Variants in SLC35F2 observed in about 807,000 individuals in gnomAD.
SLC35F2 encodes the protein solute carrier family 35 member F2.
Under a neutral mutation model 38.1 loss-of-function variants are expected in SLC35F2, and 25 were observed. The ratio of observed to expected loss-of-function variants is 0.66; its 90% CI spans 0.48 to 0.92. The LOEUF is 0.92. SLC35F2 is among the 40% of genes least tolerant of loss of function. The pLI is 0.00. For missense variants in SLC35F2, 409 were observed against 452.9 expected (o/e 0.90, Z 0.88); for synonymous variants, 173 against 181.7 (o/e 0.95, Z 0.38).
At chr11:107,821,389 T>C in intron 1 of SLC35F2, 1 of 983,908 alleles carries the variant, frequency 1.0e-6, no homozygotes, top group Non-Finnish European at 1.2e-6. Flanking sequence ...GGAATGCACT[T>C]CTCTTGGCTC....
chr11:107,815,945 G>A lies in SLC35F2; in HGVS notation c.131C>T (p.Ala44Val), dbSNP rs1472752861. Reference sequence around the variant, plus strand: ...ACACAAGGACAACATCTGACCCAGGGCAATTGTTTTCAAAATATTCCTAGA... The same window carrying A: ...ACACAAGGACAACATCTGACCCAGGACAATTGTTTTCAAAATATTCCTAGA... ...LFTWNILKTI[A>V]LGQMLSLCIC... The change falls in exon 2 of 8, where the codon GCC (alanine) becomes GTC (valine). Residue 44 changes from alanine to valine, a missense_variant. By Grantham distance (64) the Ala-to-Val change is moderately conservative. Transcript: ENST00000525815. The A allele has an allele frequency of 6.2e-7, 1 of 1,608,658 alleles. No individual in the cohort carries two copies. Among genetic ancestry groups the A allele is most frequent in the Non-Finnish European group, 8.5e-7 (1 of 1,178,748 alleles).
chr11:107,807,015 G>A (rs1000327366), intron 3 of SLC35F2, 139 bp from the exon 4 acceptor site: 2 of 697,648 alleles, frequency 2.9e-6, no homozygotes, highest in Non-Finnish European at 4.7e-6. Flanking sequence ...CCTGTACTAA[G>A]AGCTTTACCT....
At position 107,858,777 on chromosome 11, in the gene SLC35F2, T is replaced by TG; in HGVS notation, c.-11dup. The TG allele has an allele frequency of 8.0e-7, 1 of 1,256,004 alleles. No individual in the cohort carries two copies. Among genetic ancestry groups the TG allele is most frequent in the Admixed American group, 4.1e-5 (1 of 24,302 alleles). 77.8% of individuals were successfully genotyped at this position (1,256,004 alleles called of 1,614,324 possible). A position where few individuals can be genotyped will look rare whatever the true frequency, so the allele number is the denominator to read the frequency against. ...GCGAGTCTGCCTCCATCGGCGCCCTTGCGCGTCTCCGGCGCCCAAAACCCC... is the reference window on the plus strand; with the variant it reads ...GCGAGTCTGCCTCCATCGGCGCCCTTGGCGCGTCTCCGGCGCCCAAAACCCC... On this transcript the variant is annotated 5_prime_UTR_variant, in exon 1 of 8. Transcript: ENST00000525815.
chr11:107,830,500 C>T lies in SLC35F2; in HGVS notation c.111-14535G>A, dbSNP rs551012011. ...TCAGGAGGCTGAGGCAGGAGAATGG[C>T]GTGAACCTGGGAGGCGGAGCTTGCA... On this transcript the variant is annotated intron_variant, in intron 1 of 7. Transcript: ENST00000525815. Among the ~76,000 whole-genome samples, 26 of 147,116 alleles carry T rather than the reference C, an allele frequency of 1.8e-4. No homozygotes were observed. In the East Asian group the frequency reaches 4.4e-3, roughly 25 times the overall value.
intron 1 of SLC35F2, among the ~76,000 whole-genome samples, chr11:107,850,840 C>T (rs1860170090): frequency 6.6e-6 from 1 of 151,428 alleles, no homozygotes; most frequent in Non-Finnish European, 1.5e-5. Flanking sequence ...AATTAGTCAA[C>T]TCAAAATGTC....
chr11:107,829,965 C>A (rs1859810513), intron 1 of SLC35F2, among the ~76,000 whole-genome samples: 1 of 152,052 alleles, frequency 6.6e-6, no homozygotes, highest in African/African-American at 2.4e-5. Context: ...CATCACTACT[C>A]CAAAATCATG....
intron 7 of SLC35F2, among the ~76,000 whole-genome samples, chr11:107,799,470 C>T (rs1416598013): frequency 2.0e-5 from 3 of 152,298 alleles, no homozygotes; most frequent in Non-Finnish European, 2.9e-5. Context: ...AATGCAGCCA[C>T]GGCATCACAG....
At chr11:107,857,936 A>G (rs924860) in intron 1 of SLC35F2, among the ~76,000 whole-genome samples, 66,610 of 152,022 alleles carry the variant, frequency 0.44, 14,690 homozygotes, top group Admixed American at 0.54. Context: ...CGAGTGCCCA[A>G]TAAATGTCTT....
At chr11:107,806,579 A>G (rs747685442) in intron 4 of SLC35F2, 138 bp downstream of exon 4, 19 of 756,958 alleles carry the variant, frequency 2.5e-5, no homozygotes, top group Non-Finnish European at 4.4e-5. Flanking sequence ...AATTCAACAC[A>G]AAGTGTGGCA....
chr11:107,846,445 T>A (rs547571723), intron 1 of SLC35F2, among the ~76,000 whole-genome samples: 27 of 152,264 alleles, frequency 1.8e-4, no homozygotes, highest in African/African-American at 6.3e-4. Context: ...AAGTAATTTT[T>A]TTTTTCTTGG....
intron 1 of SLC35F2, among the ~76,000 whole-genome samples, chr11:107,835,864 G>A (rs1280656551): frequency 6.6e-6 from 1 of 152,178 alleles, no homozygotes; most frequent in East Asian, 1.9e-4. Context: ...TCCAAATGTG[G>A]TGAGGGTGAA....
chr11:107,820,130 C>T (rs1859644472), intron 1 of SLC35F2, among the ~76,000 whole-genome samples: 1 of 151,090 alleles, frequency 6.6e-6, no homozygotes, highest in Non-Finnish European at 1.5e-5. Flanking sequence ...GTGGTACACG[C>T]CTGTAATCCC....
chr11:107,850,993 G>A lies in SLC35F2; in HGVS notation c.110+7665C>T, dbSNP rs367696955. ...TGAAACCCTGTCTTTAGCTGGGCGCGGTGGCTCACGCCTGTAATCCCAGCA... is the reference window on the plus strand; with the variant it reads ...TGAAACCCTGTCTTTAGCTGGGCGCAGTGGCTCACGCCTGTAATCCCAGCA... On this transcript the variant is annotated intron_variant, in intron 1 of 7. Transcript: ENST00000525815. 2.2e-4 allele frequency among the ~76,000 whole-genome samples: 34 copies of A among 151,858 alleles called. 1 individual carries two copies. The East Asian group carries it at 2.5e-3, about 11-fold the overall frequency.
rs779976650 is a variant in SLC35F2 at position 107,792,838 on chromosome 11, C to A, written c.940-38G>T. 2.7e-6 allele frequency: 4 copies of A among 1,494,604 alleles called. No individual in the cohort carries two copies. In the East Asian group the frequency reaches 7.6e-5, roughly 28 times the overall value. 92.6% of individuals were successfully genotyped at this position (1,494,604 alleles called of 1,614,324 possible). A position where few individuals can be genotyped will look rare whatever the true frequency, so the allele number is the denominator to read the frequency against. Reference sequence around the variant, plus strand: ...AACAGGCAGTGAATTGTGCCCCTCACATACACATCTTTGCTGCTGGCTTTT... The same window carrying A: ...AACAGGCAGTGAATTGTGCCCCTCAAATACACATCTTTGCTGCTGGCTTTT... On this transcript the variant is annotated intron_variant, in intron 7 of 7. Transcript: ENST00000525815.
rs949962401 is a variant in SLC35F2 at position 107,791,482 on chromosome 11, A to T, written c.*1133T>A. The T allele has an allele frequency of 6.6e-6, 1 of 152,156 alleles. No homozygotes were observed. The highest frequency in any genetic ancestry group is 2.4e-5 in the African/African-American group (1 of 41,440). The allele number at this position is 152,156 out of a possible 1,614,324, so 9.4% of individuals were successfully genotyped here. ...AAACTGTTGGAGAGTATGACCTGGG[A>T]CTGAAACTGTGGAGCACATAGCCAG... is the stretch of plus-strand genomic sequence containing the variant. On this transcript the variant is annotated 3_prime_UTR_variant, in exon 8 of 8. Coordinates refer to ENST00000525815, the MANE Select transcript of SLC35F2 (RefSeq NM_017515.5).
At chr11:107,838,347 G>A (rs1046020336) in intron 1 of SLC35F2, among the ~76,000 whole-genome samples, 11 of 152,112 alleles carry the variant, frequency 7.2e-5, no homozygotes, top group Non-Finnish European at 1.0e-4. Flanking sequence ...CTTTTGAGAT[G>A]GAGTTTTGCT....
intron 1 of SLC35F2, among the ~76,000 whole-genome samples, chr11:107,830,583 CAAAAAAA>C (rs66495434): frequency 1.0e-5 from 1 of 95,736 alleles, no homozygotes; most frequent in African/African-American, 3.8e-5. Flanking sequence ...GACTCAGTCT[CAAAAAAA>C]AAAAAAAAAG....
intron 4 of SLC35F2, 126 bp from the exon 5 acceptor site, chr11:107,805,641 G>A: frequency 3.4e-6 from 5 of 1,454,158 alleles, no homozygotes; most frequent in Non-Finnish European, 3.6e-6. Context: ...CTGGTTACTA[G>A]AAGTTTATGT....
chr11:107,816,355 C>A, intron 1 of SLC35F2: 1 of 921,946 alleles, frequency 1.1e-6, no homozygotes, highest in Non-Finnish European at 1.3e-6. Context: ...AATCACAGCT[C>A]ACTGCAGCCT....
Sources: allele counts gnomAD v4.1 joint callset (sites outside exome capture counted in the v4.1 genomes callset), GRCh38; gene constraint gnomAD v4.1.1; transcripts MANE v1.5; gene names NCBI Gene and HGNC (gene_info 2026-07-23, HGNC 2026-07-21).